Variants in UNC5D observed in about 807,000 individuals in gnomAD.
UNC5D encodes netrin receptor UNC5D.
A neutral mutation model predicts 105.4 loss-of-function variants in UNC5D; 39 were observed. The observed-to-expected ratio is 0.37, with a 90% CI of 0.29 to 0.48. UNC5D has a LOEUF of 0.48. UNC5D is among the 20% of genes least tolerant of loss of function. The pLI is 0.98. For missense variants in UNC5D, 991 were observed against 1,202.4 expected (o/e 0.82, Z 2.60); for synonymous variants, 452 against 450.4 (o/e 1.00, Z -0.04).
intron 4 of UNC5D, among the ~76,000 whole-genome samples, chr8:35,598,322 C>T (rs1819619157): frequency 6.6e-6 from 1 of 152,196 alleles, no homozygotes; most frequent in African/African-American, 2.4e-5. Context: ...TGTGCTTACT[C>T]TTCTTCATTG....
intron 1 of UNC5D, among the ~76,000 whole-genome samples, chr8:35,413,068 T>G (rs1225028105): frequency 6.6e-6 from 1 of 152,110 alleles, no homozygotes. Context: ...AAATGCGCTA[T>G]GTAGTGGATT....
intron 1 of UNC5D, among the ~76,000 whole-genome samples, chr8:35,423,292 A>T (rs549751355): frequency 1.3e-5 from 2 of 152,162 alleles, no homozygotes; most frequent in Admixed American, 6.5e-5. Context: ...ATCTTCACAG[A>T]TAAGCTCAGG....
chr8:35,780,489 C>T lies in UNC5D; in HGVS notation c.2657+6012C>T, dbSNP rs138669398. Among the ~76,000 whole-genome samples the T allele has an allele frequency of 4.7e-3, 721 of 152,298 alleles. 3 individuals are homozygous for T. Among genetic ancestry groups the T allele is most frequent in the Non-Finnish European group, 7.9e-3 (540 of 68,022 alleles). The stretch of plus-strand genomic sequence containing the variant: ...AGGATGGAGGAAGGCCCCAAGGCAG[C>T]TTAGCAATCTGTTTCTGAATAACTG... On this transcript the variant is annotated intron_variant, in intron 16 of 16. Coordinates refer to ENST00000404895, the MANE Select transcript of UNC5D (RefSeq NM_080872.4).
rs139073937 is a variant in UNC5D, at chr8:35,635,014, C to T, written c.570+39357C>T. On this transcript the variant is annotated intron_variant, in intron 4 of 16. Coordinates refer to ENST00000404895, the MANE Select transcript of UNC5D (RefSeq NM_080872.4). The stretch of plus-strand genomic sequence containing the variant: ...CTCCTGACCTCAGGCGATCCACCCG[C>T]CTTGGCCTCCCAAAGTGCTGGGATT... Among the ~76,000 whole-genome samples the T allele has an allele frequency of 3.0e-3, 450 of 152,224 alleles. 1 individual carries two copies. The highest frequency in any genetic ancestry group is 8.5e-3 in the African/African-American group (351 of 41,530).
In UNC5D at chr8:35,686,549, TGGG is replaced by T. The variant is rs1407503178; in HGVS notation, c.925_927del (p.Gly309del). 6.4e-7 allele frequency: 1 copy of T among 1,564,572 alleles called. No individual in the cohort carries two copies. ...TTCTTTTGTTTCCCTTTGAAGTGGA[TGGG>T]AGCTGGGAAGTGTGGAGCGAATGGT... On this transcript the variant is annotated inframe_deletion, in exon 7 of 17. Transcript: ENST00000404895.
chr8:35,597,322 T>G (rs1819550547), intron 4 of UNC5D, among the ~76,000 whole-genome samples: 1 of 152,174 alleles, frequency 6.6e-6, no homozygotes, highest in African/African-American at 2.4e-5. Flanking sequence ...AAAAAAGATA[T>G]TGATCTCCTT....
chr8:35,270,726 T>G (rs1406140848), intron 1 of UNC5D, among the ~76,000 whole-genome samples: 1 of 152,190 alleles, frequency 6.6e-6, no homozygotes, highest in Non-Finnish European at 1.5e-5. Context: ...TTTATATTTT[T>G]ATGAACCTTT....
chr8:35,610,296 C>G (rs963988412), intron 4 of UNC5D, among the ~76,000 whole-genome samples: 3 of 152,096 alleles, frequency 2.0e-5, no homozygotes, highest in Non-Finnish European at 4.4e-5. Context: ...TGGACCAAGC[C>G]TTCTTGAAGG....
intron 1 of UNC5D, among the ~76,000 whole-genome samples, chr8:35,537,913 A>C (rs1047713965): frequency 1.3e-5 from 2 of 151,970 alleles, no homozygotes; most frequent in Non-Finnish European, 2.9e-5. Flanking sequence ...ACACATGTAG[A>C]GTCTCAGAGC....
chr8:35,269,968 T>A (rs1034222881), intron 1 of UNC5D, among the ~76,000 whole-genome samples: 2 of 152,176 alleles, frequency 1.3e-5, no homozygotes, highest in South Asian at 4.1e-4. Flanking sequence ...ATGAGAGATC[T>A]TTAGTGGCAC....
At chr8:35,705,216 G>A (rs559735796) in intron 7 of UNC5D, among the ~76,000 whole-genome samples, 6 of 152,202 alleles carry the variant, frequency 3.9e-5, no homozygotes, top group South Asian at 4.1e-4. Context: ...CGCCCGCCTT[G>A]GCCTCCCAAA....
Position 35,345,432 on chromosome 8 carries a change from G to A in UNC5D, c.103+109545G>A, listed in dbSNP as rs150300577. ...TGTGTGGTTTGGTTTTGTCATATGG[G>A]GCATTTCTAGAAATAAAAATCCTGC... is the stretch of plus-strand genomic sequence containing the variant. On this transcript the variant is annotated intron_variant, in intron 1 of 16. Transcript: ENST00000404895. Among the ~76,000 whole-genome samples, 3 of 151,870 alleles carry A rather than the reference G, an allele frequency of 2.0e-5. No individual in the cohort carries two copies. The East Asian group carries it at 5.8e-4, about 29-fold the overall frequency.
intron 4 of UNC5D, among the ~76,000 whole-genome samples, chr8:35,667,197 T>C (rs944633189): frequency 9.9e-5 from 15 of 151,948 alleles, no homozygotes; most frequent in Non-Finnish European, 1.8e-4. Context: ...TTGCAGAAAA[T>C]AGGACAGTCT....
chr8:35,392,288 C>A (rs1465053827), intron 1 of UNC5D, among the ~76,000 whole-genome samples: 1 of 152,132 alleles, frequency 6.6e-6, no homozygotes, highest in African/African-American at 2.4e-5. Context: ...CACACAGCAG[C>A]CTCAAATTCC....
chr8:35,560,494 G>C (rs1209976791), intron 2 of UNC5D, among the ~76,000 whole-genome samples: 1 of 152,172 alleles, frequency 6.6e-6, no homozygotes, highest in African/African-American at 2.4e-5. Context: ...CTATGTAAAT[G>C]TGTATTTGTA....
At chr8:35,323,303 T>C (rs970184466) in intron 1 of UNC5D, among the ~76,000 whole-genome samples, 1 of 151,842 alleles carries the variant, frequency 6.6e-6, no homozygotes, top group Non-Finnish European at 1.5e-5. Context: ...AGAAAATGTG[T>C]TCTCTAAAAA....
chr8:35,643,033 T>G (rs922311265), intron 4 of UNC5D, among the ~76,000 whole-genome samples: 63 of 152,280 alleles, frequency 4.1e-4, no homozygotes, highest in African/African-American at 1.4e-3. Context: ...CTGGTCACCC[T>G]GCTGTTTCTT....
At chr8:35,640,862 T>G (rs867441972) in intron 4 of UNC5D, among the ~76,000 whole-genome samples, 2 of 152,116 alleles carry the variant, frequency 1.3e-5, no homozygotes, top group Admixed American at 6.6e-5. Flanking sequence ...TTTTAGAAAA[T>G]TGTTAGTTTT....
rs368688232 is a variant in UNC5D at position 35,688,126 on chromosome 8, C to T, written c.1084+1417C>T. 5.6e-4 allele frequency among the ~76,000 whole-genome samples: 84 copies of T among 149,944 alleles called. 1 individual carries two copies. Among genetic ancestry groups the T allele is most frequent in the African/African-American group, 4.0e-4 (16 of 40,108 alleles). On this transcript the variant is annotated intron_variant, in intron 7 of 16. Transcript: ENST00000404895. Reference sequence around the variant, plus strand: ...CAGCCTGGGTGACAGAGCGAGACTCCGCCTCAAAAACAAAAAAAAACAAAA... The same window carrying T: ...CAGCCTGGGTGACAGAGCGAGACTCTGCCTCAAAAACAAAAAAAAACAAAA...
Sources: allele counts gnomAD v4.1 joint callset (sites outside exome capture counted in the v4.1 genomes callset), GRCh38; gene constraint gnomAD v4.1.1; transcripts MANE v1.5; gene names NCBI Gene and HGNC (gene_info 2026-07-23, HGNC 2026-07-21).